ZNF721: variants seen among roughly 807,000 people sequenced by gnomAD.
The protein encoded by ZNF721 is zinc finger protein 721.
Under a neutral mutation model 2.4 loss-of-function variants are expected in ZNF721, and 2 were observed. That is an observed-to-expected ratio of 0.82 (90% CI 0.34 to 2.58). The LOEUF is 2.58. Ranked by LOEUF, ZNF721 falls within the 30% of genes most tolerant of loss-of-function variation. The pLI is 0.11. For missense variants in ZNF721, 1,187 were observed against 1,085.5 expected (o/e 1.09, Z -1.31); for synonymous variants, 398 against 381.8 (o/e 1.04, Z -0.50).
At chr4:487,057 T>C (rs578071872) in intron 1 of ZNF721, among the ~76,000 whole-genome samples, 50 of 152,354 alleles carry the variant, frequency 3.3e-4, no homozygotes, top group African/African-American at 1.2e-3. Flanking sequence ...AGCTGCTTAG[T>C]AGCTGTGGGA....
rs1714358039 is a variant in ZNF721 at position 443,622 on chromosome 4, C to T, written c.845G>A (p.Cys282Tyr). 1.2e-6 allele frequency: 2 copies of T among 1,613,828 alleles called. No individual in the cohort carries two copies. Among genetic ancestry groups the T allele is most frequent in the African/African-American group, 1.3e-5 (1 of 74,890 alleles). ...TGTGGAAATATTAAAGGCTTTACCA[C>T]ATTCTAAACATTTAAAGGGTTTCTC... ...TGEKPFKCLE[C>Y]GKAFNISTTL... Residue 282 changes from cysteine to tyrosine, a missense_variant, in exon 3 of 3, where the codon TGT becomes TAT. Physicochemically the swap from Cys to Tyr is radical, Grantham distance 194. Transcript: ENST00000511833.
rs782649236 is a variant in ZNF721, at chr4:442,425, G to A, written c.2042C>T (p.Ser681Phe). 1 of 1,609,588 alleles carries A rather than the reference G, an allele frequency of 6.2e-7. No homozygotes were observed. Residue 681 changes from serine (S) to phenylalanine (F), a missense_variant, in exon 3 of 3, where the codon TCC becomes TTC. Ser to Phe is a radical substitution (Grantham distance 155). Coordinates refer to ENST00000511833, the MANE Select transcript of ZNF721 (RefSeq NM_133474.4). ...TTTCTTGTGTTGATTCAGGGCTATGGACCATCCAAAGGCTTTGCCACACTC... is the reference window on the plus strand; with the variant it reads ...TTTCTTGTGTTGATTCAGGGCTATGAACCATCCAAAGGCTTTGCCACACTC... ...CEECGKAFGW[S>F]IALNQHKKIH...
At position 441,600 on chromosome 4, in the gene ZNF721, C is replaced by T. The variant is rs1159035763; in HGVS notation, c.*95G>A. On this transcript the variant is annotated 3_prime_UTR_variant, in exon 3 of 3. Transcript: ENST00000511833. ...AAAGGATTGAGGAGCATTTAAAGAC[C>T]GCGACATTCGTCACCTTCGTAAGAC... 1.3e-5 allele frequency: 14 copies of T among 1,041,904 alleles called. No homozygotes were observed. The highest frequency in any genetic ancestry group is 4.8e-5 in the African/African-American group (3 of 61,894). 64.5% of individuals were successfully genotyped at this position (1,041,904 alleles called of 1,614,324 possible).
chr4:455,866 TTA>T (rs533498551), intron 2 of ZNF721, among the ~76,000 whole-genome samples: 6 of 152,066 alleles, frequency 3.9e-5, no homozygotes, highest in East Asian at 1.9e-4. Flanking sequence ...TTAGGCAATT[TTA>T]TGTTTTTCAT....
At chr4:445,987 G>A (rs928669510) in intron 2 of ZNF721, among the ~76,000 whole-genome samples, 5 of 152,038 alleles carry the variant, frequency 3.3e-5, no homozygotes, top group African/African-American at 1.2e-4. Context: ...AATTCTACAT[G>A]GGAATAATAT....
intron 2 of ZNF721, among the ~76,000 whole-genome samples, chr4:468,261 C>T (rs1315428951): frequency 4.1e-5 from 6 of 146,840 alleles, no homozygotes; most frequent in Admixed American, 1.4e-4. Flanking sequence ...AGTGAGACTC[C>T]GACTCAAAAA....
rs1360640022 is a variant in ZNF721, at chr4:440,121, C to T, written c.*1574G>A. Reference sequence around the variant, plus strand: ...GGCAAAACAATTTACTACTAAAATTCAGATTCTCTCTCAGTATAACGCAAA... The same window carrying T: ...GGCAAAACAATTTACTACTAAAATTTAGATTCTCTCTCAGTATAACGCAAA... On this transcript the variant is annotated 3_prime_UTR_variant, in exon 3 of 3. Coordinates refer to ENST00000511833, the MANE Select transcript of ZNF721 (RefSeq NM_133474.4). 1 of 152,186 alleles carries T rather than the reference C, an allele frequency of 6.6e-6. No individual in the cohort carries two copies. The highest frequency in any genetic ancestry group is 1.5e-5 in the Non-Finnish European group (1 of 68,040). 9.4% of individuals were successfully genotyped at this position (152,186 alleles called of 1,614,324 possible).
At chr4:469,284 CAAAA>C (rs139974014) in intron 2 of ZNF721, among the ~76,000 whole-genome samples, 1 of 147,502 alleles carries the variant, frequency 6.8e-6, no homozygotes, top group Admixed American at 6.7e-5. Flanking sequence ...CAAAATTTCC[CAAAA>C]AAAAGAAAAA....
At chr4:493,171 TAAAA>T (rs79248295) in intron 1 of ZNF721, among the ~76,000 whole-genome samples, 2 of 131,874 alleles carry the variant, frequency 1.5e-5, no homozygotes, top group African/African-American at 5.5e-5. Flanking sequence ...ACTGAGACAG[TAAAA>T]AAAAAAAAAA....
chr4:456,440 T>C (rs1714851323), intron 2 of ZNF721, among the ~76,000 whole-genome samples: 1 of 152,252 alleles, frequency 6.6e-6, no homozygotes, highest in Non-Finnish European at 1.5e-5. Context: ...AGATAACTTT[T>C]ATAGGCAATA....
At chr4:485,822 A>G (rs1309360941) in intron 1 of ZNF721, among the ~76,000 whole-genome samples, 3 of 152,100 alleles carry the variant, frequency 2.0e-5, no homozygotes, top group Non-Finnish European at 2.9e-5. Context: ...TAAAAATACA[A>G]AAACTATCCA....
Position 499,064 on chromosome 4 carries a change from G to C in ZNF721, c.-102C>G, listed in dbSNP as rs558531891. 11 of 530,498 alleles carry C rather than the reference G, an allele frequency of 2.1e-5. 1 individual carries two copies. Among genetic ancestry groups the C allele is most frequent in the Non-Finnish European group, 2.6e-5 (8 of 302,598 alleles). The allele number at this position is 530,498 out of a possible 1,614,324, so 32.9% of individuals were successfully genotyped here. On this transcript the variant is annotated 5_prime_UTR_variant, in exon 1 of 3. Transcript: ENST00000511833. ...TTTTTAAAACCTCGTACCTCGCCGTGGGCGGCGACCGTCGCGGACTCGCCG... is the reference window on the plus strand; with the variant it reads ...TTTTTAAAACCTCGTACCTCGCCGTCGGCGGCGACCGTCGCGGACTCGCCG...
At chr4:474,434 G>A (rs377023993) in intron 1 of ZNF721, among the ~76,000 whole-genome samples, 5 of 151,894 alleles carry the variant, frequency 3.3e-5, no homozygotes, top group Admixed American at 1.3e-4. Context: ...AATTGTGCAC[G>A]CGCGCGCGCA....
chr4:453,417 C>G (rs1412039753), intron 2 of ZNF721: 3 of 152,196 alleles, frequency 2.0e-5, no homozygotes, highest in Non-Finnish European at 4.4e-5. Flanking sequence ...TCACTGTTCT[C>G]CATGTTGATG....
intron 2 of ZNF721, chr4:453,493 TCCA>T (rs1433829803): frequency 1.3e-5 from 2 of 152,216 alleles, no homozygotes; most frequent in Non-Finnish European, 2.9e-5. Context: ...GGCCAAAATT[TCCA>T]CCACAACTGC....
intron 2 of ZNF721, among the ~76,000 whole-genome samples, chr4:463,764 G>C (rs533617102): frequency 5.9e-5 from 9 of 152,254 alleles, no homozygotes; most frequent in Non-Finnish European, 1.5e-5. Flanking sequence ...AAGGGAATGA[G>C]GGGGCTAGGG....
rs374707289 is a variant in ZNF721 at position 463,145 on chromosome 4, A to G, written c.34+9430T>C. Among the ~76,000 whole-genome samples, 794 of 152,284 alleles carry G rather than the reference A, an allele frequency of 5.2e-3. 15 individuals carry two copies. The South Asian group carries it at 0.065, about 12-fold the overall frequency. On this transcript the variant is annotated intron_variant, in intron 2 of 2. Transcript: ENST00000511833. Reference sequence around the variant, plus strand: ...GAAGACATTTATGTGGCCAACAAACATATGAGAAAAAGCTCATCGTCACTG... The same window carrying G: ...GAAGACATTTATGTGGCCAACAAACGTATGAGAAAAAGCTCATCGTCACTG...
chr4:469,198 G>A (rs1056926352), intron 2 of ZNF721, among the ~76,000 whole-genome samples: 1 of 151,948 alleles, frequency 6.6e-6, no homozygotes, highest in Admixed American at 6.6e-5. Context: ...GCCTCTGAAA[G>A]TGCTGGGATT....
rs202144739 is a variant in ZNF721, at chr4:443,377, C to T, written c.1090G>A (p.Glu364Lys). 1.3e-3 allele frequency: 2,071 copies of T among 1,613,732 alleles called. 2 individuals carry two copies. Among genetic ancestry groups the T allele is most frequent in the Non-Finnish European group, 1.7e-3 (2,003 of 1,179,908 alleles). Residue 364 changes from glutamate (E) to lysine (K), a missense_variant, in exon 3 of 3, where the codon GAA (glutamate) becomes AAA (lysine). Transcript: ENST00000511833. ...CGTCCAAAGGCTTTGCCACAGTCTT[C>T]GCATTTGTAAGGTTTCTCTCCAGTA... ...IHTGEKPYKC[E>K]DCGKAFGRYT...
Sources: allele counts gnomAD v4.1 joint callset (sites outside exome capture counted in the v4.1 genomes callset), GRCh38; gene constraint gnomAD v4.1.1; transcripts MANE v1.5; gene names NCBI Gene and HGNC (gene_info 2026-07-23, HGNC 2026-07-21).